ENOX1: variants seen among roughly 807,000 people sequenced by gnomAD.
ENOX1 encodes candidate growth-related and time keeping constitutive hydroquinone (NADH) oxidase.
In ENOX1, 42 loss-of-function variants were observed where a neutral mutation model predicts 82.5. That is an observed-to-expected ratio of 0.51 (90% CI 0.40 to 0.66). The LOEUF is 0.66. Ranked by LOEUF, ENOX1 falls within the 30% of genes least tolerant of loss-of-function variation. The pLI is 0.00. For missense variants in ENOX1, 608 were observed against 811.6 expected (o/e 0.75, Z 3.05); for synonymous variants, 271 against 282.2 (o/e 0.96, Z 0.40).
chr13:43,340,844 C>T (rs1451344968), intron 9 of ENOX1, among the ~76,000 whole-genome samples: 1 of 152,164 alleles, frequency 6.6e-6, no homozygotes. Context: ...ACTCATCCAC[C>T]AAATATTTCT....
chr13:43,716,325 T>G (rs2088128491), intron 1 of ENOX1, among the ~76,000 whole-genome samples: 1 of 152,152 alleles, frequency 6.6e-6, no homozygotes, highest in South Asian at 2.1e-4. Context: ...AGAGATCCAC[T>G]CCAGACCCTG....
Position 43,225,067 on chromosome 13 carries a change from C to T in ENOX1, c.1715-929G>A, listed in dbSNP as rs973875083. Among the ~76,000 whole-genome samples the T allele has an allele frequency of 1.2e-4, 18 of 152,280 alleles. No homozygotes were observed. In the South Asian group the frequency reaches 2.9e-3, roughly 25 times the overall value. ...TTGCATAAAGAAAACGTGGTATGAACCATGGAATACTATGTAGCCATAAAA... is the reference window on the plus strand; with the variant it reads ...TTGCATAAAGAAAACGTGGTATGAATCATGGAATACTATGTAGCCATAAAA... On this transcript the variant is annotated intron_variant, in intron 15 of 16. Transcript: ENST00000690772.
At chr13:43,374,129 C>A (rs984016377) in intron 5 of ENOX1, among the ~76,000 whole-genome samples, 5 of 149,646 alleles carry the variant, frequency 3.3e-5, no homozygotes, top group African/African-American at 1.2e-4. Flanking sequence ...CCCTCCTTTC[C>A]TTTCCTTTCT....
intron 1 of ENOX1, among the ~76,000 whole-genome samples, chr13:43,748,266 T>C (rs1332554898): frequency 2.6e-5 from 4 of 152,204 alleles, no homozygotes; most frequent in East Asian, 3.9e-4. Flanking sequence ...AAGATGTCCC[T>C]AGCACTAAAA....
chr13:43,723,019 A>G (rs2088681614), intron 1 of ENOX1, among the ~76,000 whole-genome samples: 1 of 152,202 alleles, frequency 6.6e-6, no homozygotes, highest in South Asian at 2.1e-4. Flanking sequence ...CTAGGGCACC[A>G]ACACAGTTTG....
At chr13:43,336,549 TCA>T (rs2048724531) in intron 9 of ENOX1, among the ~76,000 whole-genome samples, 1 of 152,220 alleles carries the variant, frequency 6.6e-6, no homozygotes. Context: ...GGCTTAAAAT[TCA>T]CAGTGTAGCC....
chr13:43,624,914 C>T (rs2082899283), intron 2 of ENOX1, among the ~76,000 whole-genome samples: 1 of 151,952 alleles, frequency 6.6e-6, no homozygotes, highest in Admixed American at 6.6e-5. Context: ...TTGTTGACAT[C>T]CTCAAAAAAT....
At chr13:43,370,236 G>T (rs900688772) in intron 5 of ENOX1, among the ~76,000 whole-genome samples, 8 of 151,966 alleles carry the variant, frequency 5.3e-5, no homozygotes, top group African/African-American at 1.9e-4. Context: ...GAGTGGTGGC[G>T]GGCACCTGTA....
chr13:43,418,320 G>T (rs1279037999), intron 3 of ENOX1, among the ~76,000 whole-genome samples: 3 of 152,206 alleles, frequency 2.0e-5, no homozygotes, highest in Non-Finnish European at 2.9e-5. Flanking sequence ...CTGAGGTCAG[G>T]TGTTCGAGAC....
intron 11 of ENOX1, among the ~76,000 whole-genome samples, chr13:43,316,869 C>T (rs1161959887): frequency 6.6e-6 from 1 of 152,150 alleles, no homozygotes; most frequent in Non-Finnish European, 1.5e-5. Context: ...ACTCAGCCCA[C>T]CTTGCAAGAT....
At chr13:43,482,972 C>T (rs959543728) in intron 3 of ENOX1, among the ~76,000 whole-genome samples, 3 of 152,130 alleles carry the variant, frequency 2.0e-5, no homozygotes, top group East Asian at 1.9e-4. Context: ...GGCCCAACAG[C>T]GAAGGGTACA....
At chr13:43,349,193 G>A (rs2049599827) in intron 8 of ENOX1, among the ~76,000 whole-genome samples, 1 of 152,180 alleles carries the variant, frequency 6.6e-6, no homozygotes, top group South Asian at 2.1e-4. Flanking sequence ...AGAGATAGAT[G>A]TTCTCATGAC....
At chr13:43,334,756 G>C (rs551937336) in intron 9 of ENOX1, among the ~76,000 whole-genome samples, 157 of 152,280 alleles carry the variant, frequency 1.0e-3, no homozygotes, top group African/African-American at 3.6e-3. Context: ...GTGTCTACCA[G>C]GCTGGAACCA....
At chr13:43,488,347 C>T (rs1373120882) in intron 2 of ENOX1, among the ~76,000 whole-genome samples, 1 of 152,210 alleles carries the variant, frequency 6.6e-6, no homozygotes, top group African/African-American at 2.4e-5. Context: ...CAATATTCCC[C>T]TCCAGAGAAA....
At chr13:43,503,131 C>T (rs1016997445) in intron 2 of ENOX1, among the ~76,000 whole-genome samples, 3 of 151,426 alleles carry the variant, frequency 2.0e-5, no homozygotes, top group Non-Finnish European at 3.0e-5. Context: ...TCAAAAAGAA[C>T]GAAGTACTCA....
At chr13:43,705,229 T>A (rs1405406117) in intron 1 of ENOX1, among the ~76,000 whole-genome samples, 7 of 149,482 alleles carry the variant, frequency 4.7e-5, no homozygotes, top group Non-Finnish European at 8.9e-5. Context: ...ACCCCTGCAG[T>A]GAGCCAAGAT....
intron 1 of ENOX1, among the ~76,000 whole-genome samples, chr13:43,713,892 G>T (rs1354071485): frequency 1.3e-5 from 2 of 151,608 alleles, no homozygotes; most frequent in Non-Finnish European, 2.9e-5. Flanking sequence ...TTTTTGAAAG[G>T]TTTTTTGTGT....
intron 2 of ENOX1, among the ~76,000 whole-genome samples, chr13:43,601,548 T>C (rs1417476230): frequency 6.6e-6 from 1 of 151,770 alleles, no homozygotes; most frequent in Non-Finnish European, 1.5e-5. Flanking sequence ...GTCTGGAAAA[T>C]AGCCTCAAAA....
chr13:43,645,253 G>A, intron 2 of ENOX1, among the ~76,000 whole-genome samples: 1 of 152,114 alleles, frequency 6.6e-6, no homozygotes, highest in Admixed American at 6.6e-5. Context: ...TAATACCTGA[G>A]GCTCAAGTGA....
Sources: allele counts gnomAD v4.1 joint callset (sites outside exome capture counted in the v4.1 genomes callset), GRCh38; gene constraint gnomAD v4.1.1; transcripts MANE v1.5; gene names NCBI Gene and HGNC (gene_info 2026-07-23, HGNC 2026-07-21).